DYRK1A: variants seen among roughly 807,000 people sequenced by gnomAD.
DYRK1A encodes dual specificity tyrosine phosphorylation regulated kinase 1A, also known as dual specificity tyrosine-phosphorylation-regulated kinase 1A.
In DYRK1A, 9 loss-of-function variants were observed where a neutral mutation model predicts 79.7. The ratio of observed to expected loss-of-function variants is 0.11; its 90% CI spans 0.07 to 0.20. The LOEUF (loss-of-function observed/expected upper bound fraction) is 0.20. DYRK1A is among the 10% of genes least tolerant of loss of function. DYRK1A has a pLI of 1.00. For missense variants in DYRK1A, 622 were observed against 956.0 expected, an observed-to-expected ratio of 0.65 and a Z score of 4.61; for synonymous variants, 349 against 329.7, an observed-to-expected ratio of 1.06 and a Z score of -0.63.
intron 2 of DYRK1A, among the ~76,000 whole-genome samples, chr21:37,467,106 GAAAAA>G (rs5843833): frequency 8.1e-4 from 106 of 130,766 alleles, no homozygotes; most frequent in African/African-American, 2.9e-3. Context: ...ATTTACAAAA[GAAAAA>G]AAAAAAAAAA....
chr21:37,492,987 G>T (rs1358352856), intron 7 of DYRK1A, 30 bp from the exon 8 acceptor site: 1 of 1,547,642 alleles, frequency 6.5e-7, no homozygotes, highest in Admixed American at 1.7e-5. Context: ...TTAAGCAATT[G>T]AAGTAATACT....
intron 8 of DYRK1A, 26 bp downstream of exon 8, chr21:37,493,189 TCTGTTTTC>T (rs1338091362): frequency 6.4e-7 from 1 of 1,560,668 alleles, no homozygotes; most frequent in Non-Finnish European, 8.7e-7. Context: ...CTTTACAAAT[TCTGTTTTC>T]ATAATTTCTT....
chr21:37,465,136 T>C (rs551561080), intron 2 of DYRK1A, among the ~76,000 whole-genome samples: 2 of 152,372 alleles, frequency 1.3e-5, no homozygotes, highest in South Asian at 4.1e-4. Flanking sequence ...TACTGGTGGC[T>C]TAATCTTTCT....
At chr21:37,428,102 C>T (rs2050677849) in intron 2 of DYRK1A, among the ~76,000 whole-genome samples, 2 of 152,172 alleles carry the variant, frequency 1.3e-5, no homozygotes, top group Non-Finnish European at 1.5e-5. Flanking sequence ...CCAGGTCACA[C>T]AGCTAGTAAG....
chr21:37,421,071 A>C (rs1291585805), intron 2 of DYRK1A, among the ~76,000 whole-genome samples: 1 of 152,150 alleles, frequency 6.6e-6, no homozygotes, highest in Non-Finnish European at 1.5e-5. Context: ...TAGTGCAGCT[A>C]ATGTATAAAG....
At chr21:37,472,971 G>A (rs111815256) in intron 3 of DYRK1A, 91 bp downstream of exon 3, 1 of 1,016,248 alleles carries the variant, frequency 9.8e-7, no homozygotes. Context: ...TGCTTTAATG[G>A]CTTTCAGTTT....
At chr21:37,456,489 T>G (rs77206924) in intron 2 of DYRK1A, among the ~76,000 whole-genome samples, 2,086 of 152,328 alleles carry the variant, frequency 0.014, 51 homozygotes, top group African/African-American at 0.048. Context: ...ACACGGGTGA[T>G]GAGCAGGCTG....
At chr21:37,507,412 C>T (rs1400658136) in intron 11 of DYRK1A, among the ~76,000 whole-genome samples, 1 of 152,132 alleles carries the variant, frequency 6.6e-6, no homozygotes, top group Non-Finnish European at 1.5e-5. Context: ...TTGCGTGTCC[C>T]CCTTTCTTTC....
Position 37,490,202 on chromosome 21 carries a change from G to A in DYRK1A, c.665G>A (p.Arg222Gln), listed in dbSNP as rs1230046216. Residue 222 changes from arginine to glutamine, a missense_variant, in exon 7 of 12, where the codon CGA (arginine) becomes CAA (glutamine). Physicochemically the swap from Arg to Gln is conservative, Grantham distance 43. Transcript: ENST00000647188. ...IVHLKRHFMF[R>Q]NHLCLVFEML... Reference sequence around the variant, plus strand: ...CATTTGAAACGCCACTTTATGTTTCGAAACCATCTCTGTTTAGTTTTTGAA... The same window carrying A: ...CATTTGAAACGCCACTTTATGTTTCAAAACCATCTCTGTTTAGTTTTTGAA... 2.5e-6 allele frequency: 4 copies of A among 1,612,726 alleles called. No homozygotes were observed. The highest frequency in any genetic ancestry group is 3.4e-6 in the Non-Finnish European group (4 of 1,179,236).
At chr21:37,415,302 A>C (rs1003544234) in intron 1 of DYRK1A, among the ~76,000 whole-genome samples, 3 of 152,160 alleles carry the variant, frequency 2.0e-5, no homozygotes, top group African/African-American at 7.2e-5. Context: ...CTTTAACACA[A>C]ATTTCAGCTA....
At chr21:37,485,228 T>C (rs1013096443) in intron 5 of DYRK1A, among the ~76,000 whole-genome samples, 5 of 152,208 alleles carry the variant, frequency 3.3e-5, no homozygotes, top group Non-Finnish European at 7.3e-5. Context: ...TGGGCCCACA[T>C]GAGTGTCCTT....
At chr21:37,416,152 T>G (rs2050334037) in intron 1 of DYRK1A, among the ~76,000 whole-genome samples, 1 of 152,130 alleles carries the variant, frequency 6.6e-6, no homozygotes, top group African/African-American at 2.4e-5. Context: ...TAACACTACC[T>G]ACTCGTAGGG....
At chr21:37,506,343 G>A (rs1238601435) in intron 11 of DYRK1A, 120 bp downstream of exon 11, 6 of 1,583,656 alleles carry the variant, frequency 3.8e-6, no homozygotes, top group Non-Finnish European at 5.2e-6. Flanking sequence ...TGACGTTCCT[G>A]TCTAAGGAAA....
In DYRK1A at chr21:37,512,662, G is replaced by T. The variant is rs1469291949; in HGVS notation, c.*131G>T. 6.4e-6 allele frequency: 7 copies of T among 1,085,626 alleles called. No individual in the cohort carries two copies. Among genetic ancestry groups the T allele is most frequent in the African/African-American group, 1.8e-5 (1 of 56,936 alleles). 67.2% of individuals were successfully genotyped at this position (1,085,626 alleles called of 1,614,324 possible). A position where few individuals can be genotyped will look rare whatever the true frequency, so the allele number is the denominator to read the frequency against. On this transcript the variant is annotated 3_prime_UTR_variant, in exon 12 of 12. Coordinates refer to ENST00000647188, the MANE Select transcript of DYRK1A (RefSeq NM_001347721.2). ...TGAACCGCTACAAGAGGGCAAAGCTGATTTTTTTTTTAACTTGAAAAGATT... is the reference window on the plus strand; with the variant it reads ...TGAACCGCTACAAGAGGGCAAAGCTTATTTTTTTTTTAACTTGAAAAGATT...
intron 1 of DYRK1A, among the ~76,000 whole-genome samples, chr21:37,380,687 G>A (rs1438415680): frequency 6.6e-6 from 1 of 151,768 alleles, no homozygotes; most frequent in African/African-American, 2.4e-5. Flanking sequence ...AAATGGAAGA[G>A]GGATTTAAGC....
At chr21:37,402,395 G>GATACTTTTTGTCTTTT (rs2050069250) in intron 1 of DYRK1A, among the ~76,000 whole-genome samples, 1 of 152,112 alleles carries the variant, frequency 6.6e-6, no homozygotes. Context: ...ATTCTAGATT[G>GATACTTTTTGTCTTTT]ATACTTTTTG....
At chr21:37,496,321 A>G (rs1488625593) in intron 9 of DYRK1A, 63 bp downstream of exon 9, 4 of 1,503,848 alleles carry the variant, frequency 2.7e-6, no homozygotes, top group Non-Finnish European at 3.6e-6. Context: ...CTGTCTTTTT[A>G]TAGCTCATTT....
intron 1 of DYRK1A, among the ~76,000 whole-genome samples, chr21:37,373,746 T>C (rs1046066948): frequency 9.9e-5 from 15 of 152,242 alleles, no homozygotes; most frequent in African/African-American, 3.6e-4. Context: ...AACTTAGTCA[T>C]GTGGCCATGT....
chr21:37,441,303 A>G (rs1023127300), intron 2 of DYRK1A, among the ~76,000 whole-genome samples: 2 of 152,150 alleles, frequency 1.3e-5, no homozygotes, highest in African/African-American at 4.8e-5. Flanking sequence ...ACAGACACAT[A>G]TAGTTGACTT....
Sources: allele counts gnomAD v4.1 joint callset (sites outside exome capture counted in the v4.1 genomes callset), GRCh38; gene constraint gnomAD v4.1.1; transcripts MANE v1.5; gene names NCBI Gene and HGNC (gene_info 2026-07-23, HGNC 2026-07-21).